Variants in RAB11FIP4 observed in about 807,000 individuals in gnomAD.
RAB11FIP4 encodes RAB11 family interacting protein 4.
Under a neutral mutation model 74.3 loss-of-function variants are expected in RAB11FIP4, and 23 were observed. The observed-to-expected ratio is 0.31, with a 90% confidence interval of 0.22 to 0.44. RAB11FIP4 has a LOEUF of 0.44. Ranked by LOEUF, RAB11FIP4 falls within the 20% of genes least tolerant of loss-of-function variation. The pLI, the probability that RAB11FIP4 is intolerant of heterozygous loss-of-function variation, is 1.00. For synonymous variants in RAB11FIP4, 360 were observed against 359.9 expected (o/e 1.00, Z 0.00); for missense variants, 630 against 863.9 (o/e 0.73, Z 3.39).
chr17:31,459,265 C>T (rs533008067), intron 3 of RAB11FIP4, among the ~76,000 whole-genome samples: 44 of 152,264 alleles, frequency 2.9e-4, no homozygotes, highest in Admixed American at 5.2e-4. Flanking sequence ...GAGTAGACTC[C>T]TTCCTCTGAG....
At position 31,532,853 on chromosome 17, in the gene RAB11FIP4, A is replaced by G. The variant is rs2072895079; in HGVS notation, c.*1121A>G. On this transcript the variant is annotated 3_prime_UTR_variant, in exon 15 of 15. Coordinates refer to ENST00000621161, the MANE Select transcript of RAB11FIP4 (RefSeq NM_032932.6). ...CTGCACTGGTGGGAGGCGGTTGGGA[A>G]AGTTGCAGGAAAACCTTAGTCTTCC... The G allele has an allele frequency of 6.6e-6, 1 of 152,118 alleles. No individual in the cohort carries two copies. Among genetic ancestry groups the G allele is most frequent in the Admixed American group, 6.6e-5 (1 of 15,260 alleles). The allele number at this position is 152,118 out of a possible 1,614,324, so 9.4% of individuals were successfully genotyped here.
chr17:31,495,273 G>GC (rs1229650212), intron 3 of RAB11FIP4, among the ~76,000 whole-genome samples: 4 of 152,082 alleles, frequency 2.6e-5, no homozygotes, highest in African/African-American at 9.7e-5. Flanking sequence ...ATCCAGCTTG[G>GC]CTGCCCAGAG....
At chr17:31,531,517 T>C in intron 14 of RAB11FIP4, 99 bp from the exon 15 acceptor site, 1 of 781,470 alleles carries the variant, frequency 1.3e-6, no homozygotes, top group Non-Finnish European at 2.2e-6. Context: ...TGATGCCCTC[T>C]ATTGTCAGGC....
At chr17:31,405,289 C>T (rs1448665878) in intron 1 of RAB11FIP4, among the ~76,000 whole-genome samples, 2 of 152,212 alleles carry the variant, frequency 1.3e-5, no homozygotes, top group South Asian at 2.1e-4. Flanking sequence ...CTGAGCCCAG[C>T]GCAGGTGGCA....
chr17:31,531,545 C>A, intron 14 of RAB11FIP4, 71 bp from the exon 15 acceptor site: 1 of 1,016,144 alleles, frequency 9.8e-7, no homozygotes, highest in Non-Finnish European at 1.5e-6. Context: ...TGCGACAAGC[C>A]TGGGAGTCTG....
At chr17:31,508,277 G>A (rs1419905030) in intron 3 of RAB11FIP4, among the ~76,000 whole-genome samples, 1 of 152,162 alleles carries the variant, frequency 6.6e-6, no homozygotes, top group African/African-American at 2.4e-5. Flanking sequence ...CCAGGGTCTG[G>A]TCTGCATCCT....
At chr17:31,448,427 T>A (rs952928557) in intron 3 of RAB11FIP4, 3 of 121,602 alleles carry the variant, frequency 2.5e-5, no homozygotes, top group African/African-American at 9.3e-5. Flanking sequence ...AGACCGGGTC[T>A]AGCTATGTTG....
intron 1 of RAB11FIP4, among the ~76,000 whole-genome samples, chr17:31,410,584 C>T (rs1054363677): frequency 1.4e-4 from 21 of 151,804 alleles, no homozygotes; most frequent in South Asian, 2.1e-4. Context: ...CATGGTGGTG[C>T]GCACCTGTAG....
intron 3 of RAB11FIP4, among the ~76,000 whole-genome samples, chr17:31,466,380 G>A (rs890355585): frequency 6.6e-6 from 1 of 152,114 alleles, no homozygotes; most frequent in Non-Finnish European, 1.5e-5. Context: ...TTCCTTTCCT[G>A]TAGGTGGTGA....
At chr17:31,519,007 C>CTT (rs1190316585) in intron 4 of RAB11FIP4, among the ~76,000 whole-genome samples, 4,553 of 73,910 alleles carry the variant, frequency 0.062, 254 homozygotes, top group East Asian at 0.13. Flanking sequence ...TAAGTTTTGT[C>CTT]TTTTTTTTTT....
chr17:31,410,484 T>C (rs1003289677), intron 1 of RAB11FIP4, among the ~76,000 whole-genome samples: 7 of 151,622 alleles, frequency 4.6e-5, no homozygotes, highest in Admixed American at 2.6e-4. Flanking sequence ...GAGGCTGAGG[T>C]GGGCGGATCA....
intron 4 of RAB11FIP4, among the ~76,000 whole-genome samples, chr17:31,520,223 A>G (rs887266778): frequency 1.3e-5 from 2 of 152,142 alleles, no homozygotes; most frequent in Non-Finnish European, 2.9e-5. Flanking sequence ...GGATATGCAT[A>G]GGTTGTATGT....
intron 1 of RAB11FIP4, among the ~76,000 whole-genome samples, chr17:31,421,271 G>A (rs1310963230): frequency 4.0e-5 from 6 of 151,814 alleles, no homozygotes; most frequent in Non-Finnish European, 8.8e-5. Context: ...CCAGGCTGAA[G>A]TGCAGTGTGT....
At chr17:31,530,276 G>A (rs769820477) in intron 13 of RAB11FIP4, 50 bp from the exon 14 acceptor site, 1 of 1,602,088 alleles carries the variant, frequency 6.2e-7, no homozygotes, top group Non-Finnish European at 8.5e-7. Context: ...GTTCCAGTGG[G>A]CTGTGGATGC....
intron 3 of RAB11FIP4, among the ~76,000 whole-genome samples, chr17:31,443,894 A>C (rs1392197601): frequency 6.6e-6 from 1 of 152,254 alleles, no homozygotes; most frequent in Non-Finnish European, 1.5e-5. Flanking sequence ...CAGGCTGGGC[A>C]ACAGAGCAAG....
At chr17:31,528,303 A>T in intron 11 of RAB11FIP4, 103 bp from the exon 12 acceptor site, 1 of 1,348,002 alleles carries the variant, frequency 7.4e-7, no homozygotes, top group South Asian at 1.4e-5. Flanking sequence ...TTCACTGTGC[A>T]TCTGCCTCGT....
At chr17:31,463,934 T>C (rs1346020070) in intron 3 of RAB11FIP4, among the ~76,000 whole-genome samples, 1 of 146,668 alleles carries the variant, frequency 6.8e-6, no homozygotes, top group Non-Finnish European at 1.5e-5. Flanking sequence ...TGCCTCTGCC[T>C]AATGAGTAGC....
chr17:31,488,363 A>G (rs2071942163), intron 3 of RAB11FIP4: 6 of 1,039,920 alleles, frequency 5.8e-6, no homozygotes, highest in Non-Finnish European at 5.8e-6. Context: ...GTTGGCGGAG[A>G]GCGGACTTGG....
intron 14 of RAB11FIP4, 143 bp downstream of exon 14, chr17:31,530,612 G>A (rs2142834583): frequency 8.8e-7 from 1 of 1,140,106 alleles, no homozygotes; most frequent in Non-Finnish European, 1.2e-6. Flanking sequence ...GACAGGGCAA[G>A]GCTGTGAGCA....
Sources: gnomAD v4.1 joint callset for allele counts (sites outside exome capture counted in the v4.1 genomes callset) on GRCh38, gnomAD v4.1.1 for gene constraint, MANE v1.5 for transcripts, NCBI Gene and HGNC (gene_info 2026-07-23, HGNC 2026-07-21) for gene names.